Variants in ALK observed in about 807,000 individuals in gnomAD.
ALK encodes ALK receptor tyrosine kinase.
A neutral mutation model predicts 163.1 loss-of-function variants in ALK; 74 were observed. The ratio of observed to expected loss-of-function variants is 0.45; its 90% CI spans 0.38 to 0.55. The LOEUF (loss-of-function observed/expected upper bound fraction) is 0.55. Ranked by LOEUF, ALK falls within the 20% of genes least tolerant of loss-of-function variation. The pLI is 0.00. For missense variants in ALK, 2,063 were observed against 2,105.3 expected, an observed-to-expected ratio of 0.98 and a Z score of 0.39; for synonymous variants, 960 against 843.2, an observed-to-expected ratio of 1.14 and a Z score of -2.40.
intron 5 of ALK, among the ~76,000 whole-genome samples, chr2:29,374,950 C>T (rs1323814908): frequency 6.6e-6 from 1 of 152,164 alleles, no homozygotes; most frequent in African/African-American, 2.4e-5. Context: ...ATAGAGCTCA[C>T]CATTGCACGG....
intron 1 of ALK, among the ~76,000 whole-genome samples, chr2:29,726,856 G>T (rs556617982): frequency 6.6e-6 from 1 of 152,304 alleles, no homozygotes; most frequent in South Asian, 2.1e-4. Context: ...GGCTCGGAAA[G>T]CACAAATGCC....
intron 4 of ALK, among the ~76,000 whole-genome samples, chr2:29,523,660 T>C (rs916777551): frequency 3.3e-5 from 5 of 152,144 alleles, no homozygotes; most frequent in Non-Finnish European, 7.3e-5. Context: ...ACAATATATA[T>C]TTATCATTAT....
At chr2:29,430,279 A>G (rs1267580575) in intron 4 of ALK, among the ~76,000 whole-genome samples, 1 of 152,206 alleles carries the variant, frequency 6.6e-6, no homozygotes, top group African/African-American at 2.4e-5. Flanking sequence ...AGATGGGGAG[A>G]AAATATTTGC....
rs7573762 is a variant in ALK, at chr2:29,652,658, G to C, written c.952+42192C>G. Among the ~76,000 whole-genome samples, 977 of 152,252 alleles carry C rather than the reference G, an allele frequency of 6.4e-3. 10 individuals are homozygous for C. Among genetic ancestry groups the C allele is most frequent in the African/African-American group, 0.022 (930 of 41,570 alleles). The stretch of plus-strand genomic sequence containing the variant: ...TCCCTCAGCCTCAGGGAAGGACAAA[G>C]TGGCTGAAGGTTAAGTTGATCACCA... On this transcript the variant is annotated intron_variant, in intron 3 of 28. Coordinates refer to ENST00000389048, the MANE Select transcript of ALK (RefSeq NM_004304.5).
intron 1 of ALK, among the ~76,000 whole-genome samples, chr2:29,812,130 C>T (rs1272900669): frequency 6.6e-6 from 1 of 152,184 alleles, no homozygotes; most frequent in Non-Finnish European, 1.5e-5. Context: ...CACAGTTCTA[C>T]ATCCTGGTCC....
chr2:29,766,278 A>G (rs1302398247), intron 1 of ALK, among the ~76,000 whole-genome samples: 1 of 152,154 alleles, frequency 6.6e-6, no homozygotes, highest in Admixed American at 6.5e-5. Context: ...CTTTTGCACC[A>G]CCACAAATCC....
At chr2:29,286,119 C>T (rs1014598441) in intron 9 of ALK, among the ~76,000 whole-genome samples, 1 of 152,158 alleles carries the variant, frequency 6.6e-6, no homozygotes, top group Non-Finnish European at 1.5e-5. Flanking sequence ...TCATTTTCTC[C>T]GTGATGGTTC....
chr2:29,526,877 G>T (rs551421313), intron 4 of ALK, among the ~76,000 whole-genome samples: 2 of 152,330 alleles, frequency 1.3e-5, no homozygotes, highest in South Asian at 4.1e-4. Context: ...CAGGTGCCCT[G>T]CCCTGAGACC....
chr2:29,893,970 A>G (rs1035934441), intron 1 of ALK, among the ~76,000 whole-genome samples: 19 of 152,214 alleles, frequency 1.2e-4, no homozygotes, highest in African/African-American at 4.6e-4. Context: ...AAAAACCCTT[A>G]GCAGAGTGCT....
At chr2:29,477,872 C>T (rs4666226) in intron 4 of ALK, among the ~76,000 whole-genome samples, 75,424 of 152,070 alleles carry the variant, frequency 0.5, 20,007 homozygotes, top group South Asian at 0.62. Context: ...ATTTAGAATC[C>T]GAAATCTTGG....
At chr2:29,426,965 G>A (rs917951713) in intron 4 of ALK, among the ~76,000 whole-genome samples, 5 of 145,260 alleles carry the variant, frequency 3.4e-5, no homozygotes, top group Middle Eastern at 3.4e-3. Flanking sequence ...TTAAACCCAG[G>A]GAGGCAGAGG....
chr2:29,369,482 TGGGCTCCAGTGTAGCC>T (rs969065671), intron 5 of ALK, among the ~76,000 whole-genome samples: 1 of 152,190 alleles, frequency 6.6e-6, no homozygotes, highest in African/African-American at 2.4e-5. Flanking sequence ...GCCCTGGAGC[TGGGCTCCAGTGTAGCC>T]GATCCAACCA....
chr2:29,802,368 G>A (rs1405714226), intron 1 of ALK, among the ~76,000 whole-genome samples: 1 of 72 alleles, frequency 0.014, no homozygotes. Context: ...GCAGGGGAGG[G>A]GAGGGGAGGG....
rs73923629 is a variant in ALK at position 29,434,816 on chromosome 2, G to A, written c.1155-50957C>T. ...TGCTGAGCTCAGGGTTGAATGATGA[G>A]GCCATTGTGCCTTTTTCCATTAGGT... is the stretch of plus-strand genomic sequence containing the variant. On this transcript the variant is annotated intron_variant, in intron 4 of 28. Transcript: ENST00000389048. 3.1e-3 allele frequency among the ~76,000 whole-genome samples: 471 copies of A among 152,290 alleles called. 4 individuals are homozygous for A. The highest frequency in any genetic ancestry group is 0.01 in the African/African-American group (430 of 41,560).
chr2:29,250,707 C>T (rs949107504), intron 12 of ALK, among the ~76,000 whole-genome samples: 26 of 152,288 alleles, frequency 1.7e-4, no homozygotes, highest in African/African-American at 5.1e-4. Flanking sequence ...GGAAAGGAGG[C>T]GCAAGGATAA....
intron 15 of ALK, among the ~76,000 whole-genome samples, chr2:29,230,234 G>A (rs899557087): frequency 3.3e-5 from 5 of 151,356 alleles, no homozygotes; most frequent in Non-Finnish European, 5.9e-5. Flanking sequence ...CTATGTAATA[G>A]TTATTGTATT....
At chr2:29,273,541 T>C (rs529045580) in intron 11 of ALK, among the ~76,000 whole-genome samples, 143 of 152,330 alleles carry the variant, frequency 9.4e-4, no homozygotes, top group Non-Finnish European at 1.7e-3. Context: ...TATGTGGCAA[T>C]AAACTCAGGA....
At chr2:29,722,586 G>A (rs1238905404) in intron 1 of ALK, among the ~76,000 whole-genome samples, 2 of 152,150 alleles carry the variant, frequency 1.3e-5, no homozygotes, top group South Asian at 2.1e-4. Context: ...TTTGACAGTT[G>A]TTAAAAGTTG....
intron 1 of ALK, among the ~76,000 whole-genome samples, chr2:29,821,628 A>G (rs1665050243): frequency 6.6e-6 from 1 of 152,118 alleles, no homozygotes; most frequent in African/African-American, 2.4e-5. Flanking sequence ...GATGAAGGGC[A>G]TCTGTAGGGG....
Sources: gnomAD v4.1 joint callset for allele counts (sites outside exome capture counted in the v4.1 genomes callset) on GRCh38, gnomAD v4.1.1 for gene constraint, MANE v1.5 for transcripts, NCBI Gene and HGNC (gene_info 2026-07-23, HGNC 2026-07-21) for gene names.